Variants in PRELID2 observed in about 807,000 individuals in gnomAD.
The protein encoded by PRELID2 is PRELI domain-containing protein 2.
A neutral mutation model predicts 28.4 loss-of-function variants in PRELID2; 25 were observed. The observed-to-expected ratio is 0.88, with a 90% confidence interval of 0.64 to 1.23. PRELID2 has a LOEUF of 1.23. Among genes scored for constraint, PRELID2 ranks in the 50% most tolerant of loss-of-function variants. The pLI, the probability that PRELID2 is intolerant of heterozygous loss-of-function variation, is 0.00. For missense variants in PRELID2, 201 were observed against 214.4 expected, an observed-to-expected ratio of 0.94 and a Z score of 0.39; for synonymous variants, 76 against 71.6, an observed-to-expected ratio of 1.06 and a Z score of -0.31.
At chr5:145,409,750 G>GA in the PRELID2 span, among the ~76,000 whole-genome samples, 31,463 of 104,648 alleles carry the variant, frequency 0.3, 3,821 homozygotes, top group South Asian at 0.37. Flanking sequence ...CATCTCTACT[G>GA]AAAAAAAAAA....
chr5:145,590,444 A>T (rs1269485967), intron 1 of PRELID2, among the ~76,000 whole-genome samples: 1 of 151,996 alleles, frequency 6.6e-6, no homozygotes, highest in Admixed American at 6.6e-5. Context: ...TATCTCTCCC[A>T]CTAATATGTA....
intron 1 of PRELID2, among the ~76,000 whole-genome samples, chr5:145,705,367 G>GTTTT (rs796814237): frequency 1.4e-5 from 2 of 147,826 alleles, no homozygotes; most frequent in African/African-American, 2.6e-5. Context: ...ATTTTTGTGG[G>GTTTT]TTTTTTTTGT....
chr5:145,333,503 C>G, the PRELID2 span, among the ~76,000 whole-genome samples: 1 of 152,180 alleles, frequency 6.6e-6, no homozygotes, highest in Non-Finnish European at 1.5e-5. Flanking sequence ...AGTCTGGCTA[C>G]AGCAGTTTTG....
chr5:145,652,359 A>T (rs562660743), intron 1 of PRELID2, among the ~76,000 whole-genome samples: 1 of 152,370 alleles, frequency 6.6e-6, no homozygotes, highest in South Asian at 2.1e-4. Context: ...TCCACAACCT[A>T]GCAAGGCAGG....
the PRELID2 span, among the ~76,000 whole-genome samples, chr5:145,269,428 C>A: frequency 6.6e-6 from 1 of 151,964 alleles, no homozygotes; most frequent in African/African-American, 2.4e-5. Flanking sequence ...TACTGGACAA[C>A]TGGCTATCCA....
intron 5 of PRELID2, among the ~76,000 whole-genome samples, chr5:145,767,817 A>C (rs574005635): frequency 6.6e-6 from 1 of 152,348 alleles, no homozygotes; most frequent in Admixed American, 6.5e-5. Flanking sequence ...TGTAAATAGC[A>C]GCTTTACACC....
intron 5 of PRELID2, among the ~76,000 whole-genome samples, chr5:145,791,156 C>CA (rs746662760): frequency 1.3e-5 from 2 of 151,992 alleles, no homozygotes; most frequent in African/African-American, 2.4e-5. Flanking sequence ...GAATGAGGAG[C>CA]AAGTCACGTC....
intron 5 of PRELID2, among the ~76,000 whole-genome samples, chr5:145,768,722 G>C (rs532389961): frequency 6.6e-6 from 1 of 152,242 alleles, no homozygotes; most frequent in African/African-American, 2.4e-5. Flanking sequence ...ACCACTTATT[G>C]AACTGAACAC....
chr5:145,834,777 G>T, intron 1 of PRELID2: 1 of 171,690 alleles, frequency 5.8e-6, no homozygotes. Context: ...AAGGAGCAGC[G>T]GATGGGGCAG....
At chr5:145,748,460 CA>C (rs1467947877) in intron 1 of PRELID2, among the ~76,000 whole-genome samples, 17 of 152,022 alleles carry the variant, frequency 1.1e-4, no homozygotes, top group African/African-American at 4.1e-4. Flanking sequence ...AACCACTGCT[CA>C]AGGATATAAA....
At chr5:145,283,928 G>C in the PRELID2 span, among the ~76,000 whole-genome samples, 1 of 152,014 alleles carries the variant, frequency 6.6e-6, no homozygotes, top group African/African-American at 2.4e-5. Flanking sequence ...GTTTGGTGGG[G>C]GGAAGGTGGT....
At chr5:145,704,257 C>G (rs1248367420) in intron 1 of PRELID2, 1 of 152,148 alleles carries the variant, frequency 6.6e-6, no homozygotes, top group African/African-American at 2.4e-5. Flanking sequence ...GGAGAAAATT[C>G]CAAAATTTGC....
intron 1 of PRELID2, among the ~76,000 whole-genome samples, chr5:145,699,867 G>A (rs950200759): frequency 8.5e-5 from 13 of 152,104 alleles, no homozygotes; most frequent in East Asian, 7.7e-4. Flanking sequence ...AACAGACCCT[G>A]GTGTTTGGTG....
chr5:145,339,673 T>G, the PRELID2 span, among the ~76,000 whole-genome samples: 1 of 151,840 alleles, frequency 6.6e-6, no homozygotes, highest in East Asian at 1.9e-4. Context: ...TGAGAAAAAA[T>G]CCCACTGCTG....
the PRELID2 span, among the ~76,000 whole-genome samples, chr5:145,295,219 C>CA: frequency 2.2e-3 from 336 of 151,814 alleles, 2 homozygotes; most frequent in African/African-American, 7.8e-3. Flanking sequence ...CATAGCCCTG[C>CA]AAAAAAATTG....
chr5:145,362,738 T>C, the PRELID2 span, among the ~76,000 whole-genome samples: 2 of 152,120 alleles, frequency 1.3e-5, no homozygotes, highest in Admixed American at 6.6e-5. Flanking sequence ...ATAGTTAGGC[T>C]TATGCCAATG....
chr5:145,628,426 C>A (rs188164388), intron 1 of PRELID2, among the ~76,000 whole-genome samples: 9 of 152,256 alleles, frequency 5.9e-5, no homozygotes, highest in African/African-American at 2.2e-4. Flanking sequence ...CGGGTTCAAG[C>A]AGTTCTCCTG....
intron 1 of PRELID2, among the ~76,000 whole-genome samples, chr5:145,615,326 TG>T (rs575881449): frequency 0.012 from 1,184 of 99,116 alleles, 131 homozygotes; most frequent in African/African-American, 0.064. Context: ...CTCTTTTTTT[TG>T]TTTTTTTTTT....
At chr5:145,305,126 C>T in the PRELID2 span, among the ~76,000 whole-genome samples, 3 of 152,082 alleles carry the variant, frequency 2.0e-5, no homozygotes, top group African/African-American at 7.2e-5. Context: ...AATTTTAAAG[C>T]ATAAACATAG....
Sources: allele counts gnomAD v4.1 joint callset (sites outside exome capture counted in the v4.1 genomes callset), GRCh38; gene constraint gnomAD v4.1.1; transcripts MANE v1.5; gene names NCBI Gene and HGNC (gene_info 2026-07-23, HGNC 2026-07-21).